Variants in ABCC6 observed in about 807,000 individuals in gnomAD.
ABCC6 encodes the protein ATP-binding cassette sub-family C member 6.
In ABCC6, 126 loss-of-function variants were observed where a neutral mutation model predicts 169.5. The observed-to-expected ratio is 0.74, with a 90% CI of 0.64 to 0.86. The LOEUF is 0.86. ABCC6 is among the 40% of genes least tolerant of loss of function. The pLI is 0.00. For missense variants in ABCC6, 1,733 were observed against 1,927.2 expected, an observed-to-expected ratio of 0.90 and a Z score of 1.89; for synonymous variants, 752 against 814.7, an observed-to-expected ratio of 0.92 and a Z score of 1.31.
intron 10 of ABCC6, 40 bp downstream of exon 10, chr16:16,197,981 G>T: frequency 6.3e-7 from 1 of 1,593,670 alleles, no homozygotes; most frequent in South Asian, 1.1e-5. Flanking sequence ...GGAGGGGGTG[G>T]GGGACTCCGT....
Position 16,175,952 on chromosome 16 carries a change from T to A in ABCC6, c.2625A>T (p.Arg875Ser), listed in dbSNP as rs1418054185. 2 of 1,614,150 alleles carry A rather than the reference T, an allele frequency of 1.2e-6. No individual in the cohort carries two copies. Among genetic ancestry groups the A allele is most frequent in the Non-Finnish European group, 1.7e-6 (2 of 1,180,028 alleles). ...CGGGCCTCCTGCCTGCAGAGGTGCC[T>A]CTGGGGTCCTTGGTGCTGGTCCCAG... ...TEPGTSTKDP[R>S]GTSAGRRPEL... Residue 875 changes from arginine (R) to serine (S), a missense_variant, in exon 20 of 31, where the codon AGA becomes AGT. Physicochemically the swap from Arg to Ser is moderately radical, Grantham distance 110. Transcript: ENST00000205557.
In ABCC6 at chr16:16,151,243, G is replaced by A. The variant is rs140339023; in HGVS notation, c.4209-471C>T. ...CATGCCTGGCTTTTGTATTTTTAAAGTAGAGATGGGGTTTCACCATGTTGG... is the reference window on the plus strand; with the variant it reads ...CATGCCTGGCTTTTGTATTTTTAAAATAGAGATGGGGTTTCACCATGTTGG... On this transcript the variant is annotated intron_variant, in intron 29 of 30. Coordinates refer to ENST00000205557, the MANE Select transcript of ABCC6 (RefSeq NM_001171.6). 5.5e-3 allele frequency among the ~76,000 whole-genome samples: 843 copies of A among 152,232 alleles called. 7 individuals carry two copies. The highest frequency in any genetic ancestry group is 0.019 in the African/African-American group (794 of 41,536).
At chr16:16,185,126 C>T (rs377446088) in intron 14 of ABCC6, 92 bp from the exon 15 acceptor site, 4 of 1,063,820 alleles carry the variant, frequency 3.8e-6, no homozygotes, top group African/African-American at 1.6e-5. Flanking sequence ...CCGCCCCCCC[C>T]AGGGGCAGAG....
intron 20 of ABCC6, 60 bp from the exon 21 acceptor site, chr16:16,173,464 G>A (rs2047177020): frequency 6.2e-7 from 1 of 1,610,082 alleles, no homozygotes; most frequent in South Asian, 1.1e-5. Context: ...GGGTGTATGT[G>A]CCTAACCCTC....
In ABCC6 at chr16:16,204,434, A is replaced by T. The variant is rs147502067; in HGVS notation, c.795-821T>A. 3.6e-3 allele frequency among the ~76,000 whole-genome samples: 551 copies of T among 152,328 alleles called. 4 individuals carry two copies. The highest frequency in any genetic ancestry group is 0.013 in the African/African-American group (528 of 41,590). ...CCGTCCCCAACACACACAATCAGCC[A>T]GCCCTTAGGTGGTTTTGAACTGGTG... On this transcript the variant is annotated intron_variant, in intron 7 of 30. Coordinates refer to ENST00000205557, the MANE Select transcript of ABCC6 (RefSeq NM_001171.6).
intron 14 of ABCC6, among the ~76,000 whole-genome samples, chr16:16,185,979 G>A (rs1300542632): frequency 6.6e-6 from 1 of 152,162 alleles, no homozygotes; most frequent in African/African-American, 2.4e-5. Flanking sequence ...CGATTAACAT[G>A]CCCATTTTGG....
chr16:16,210,194 T>C (rs1467403326), intron 6 of ABCC6, among the ~76,000 whole-genome samples: 1 of 152,180 alleles, frequency 6.6e-6, no homozygotes, highest in Non-Finnish European at 1.5e-5. Flanking sequence ...TGGAGTGCAC[T>C]GGTGTGATCT....
At chr16:16,217,361 C>T (rs898572895) in intron 4 of ABCC6, among the ~76,000 whole-genome samples, 9 of 152,178 alleles carry the variant, frequency 5.9e-5, no homozygotes, top group Non-Finnish European at 1.0e-4. Flanking sequence ...GCCCTGAGGC[C>T]GTCATTCCCT....
At position 16,208,429 on chromosome 16, in the gene ABCC6, A is replaced by G. The variant is rs1369871579; in HGVS notation, c.794+299T>C. Among the ~76,000 whole-genome samples, 10 of 151,630 alleles carry G rather than the reference A, an allele frequency of 6.6e-5. No homozygotes were observed. In the South Asian group the frequency reaches 1.9e-3, roughly 28 times the overall value. On this transcript the variant is annotated intron_variant, in intron 7 of 30. Coordinates refer to ENST00000205557, the MANE Select transcript of ABCC6 (RefSeq NM_001171.6). The stretch of plus-strand genomic sequence containing the variant: ...GCCCTGTCACTCAGGCTGGAGTGCA[A>G]TGGTGACATCTCCACTCACTGCAAC...
intron 11 of ABCC6, among the ~76,000 whole-genome samples, chr16:16,191,956 C>A (rs2047875136): frequency 6.6e-6 from 1 of 152,210 alleles, no homozygotes; most frequent in African/African-American, 2.4e-5. Flanking sequence ...ACAAGGCAAT[C>A]AACCCTGCCG....
chr16:16,150,822 G>C (rs2046366703), intron 29 of ABCC6, 50 bp from the exon 30 acceptor site: 1 of 1,594,336 alleles, frequency 6.3e-7, no homozygotes, highest in African/African-American at 1.3e-5. Flanking sequence ...TCGGCACATG[G>C]TGATGTGTGG....
In ABCC6 at chr16:16,210,107, C is replaced by T. The variant is rs564924860; in HGVS notation, c.663-1248G>A. ...TCTGGTCTCTGACTCTTCTCTAAGC[C>T]TTACCAAGTTCCCTTTTCTTTTTTA... On this transcript the variant is annotated intron_variant, in intron 6 of 30. Coordinates refer to ENST00000205557, the MANE Select transcript of ABCC6 (RefSeq NM_001171.6). Among the ~76,000 whole-genome samples the T allele has an allele frequency of 2.0e-5, 3 of 152,072 alleles. No individual in the cohort carries two copies. The South Asian group carries it at 6.2e-4, about 32-fold the overall frequency.
At chr16:16,172,280 T>A (rs1159798564) in intron 21 of ABCC6, among the ~76,000 whole-genome samples, 1 of 102,952 alleles carries the variant, frequency 9.7e-6, no homozygotes. Flanking sequence ...AATGAGTGGG[T>A]GGGATGCATA....
At chr16:16,216,663 T>C (rs2152297909) in intron 4 of ABCC6, among the ~76,000 whole-genome samples, 1 of 147,636 alleles carries the variant, frequency 6.8e-6, no homozygotes, top group Admixed American at 6.8e-5. Flanking sequence ...ATCTCTTCCA[T>C]GTACTGATTT....
intron 10 of ABCC6, among the ~76,000 whole-genome samples, chr16:16,197,179 T>C (rs2048065294): frequency 6.6e-6 from 1 of 152,124 alleles, no homozygotes; most frequent in South Asian, 2.1e-4. Context: ...ACAGTGGCTA[T>C]GGTGGTGCCT....
Position 16,182,459 on chromosome 16 carries a change from C to T in ABCC6, c.2200G>A (p.Asp734Asn), listed in dbSNP as rs1385370678. The change falls in exon 17 of 31, where the codon GAT becomes AAT. Residue 734 changes from aspartate (D) to asparagine (N), a missense_variant. Asp to Asn is a conservative substitution (Grantham distance 23). Around this residue, in one of 5 missense-constraint regions of ABCC6, gnomAD observed 1,601 missense variants for 1,635.5 expected, o/e 0.98. Coordinates refer to ENST00000205557, the MANE Select transcript of ABCC6 (RefSeq NM_001171.6). ...ATTCCCTCAGGGAAGCTGTCCACAT[C>T]TGGCTGCAGGGCACAGGCTTCTAGT... ...RVLEACALQP[D>N]VDSFPEGIHT... 1 of 1,614,048 alleles carries T rather than the reference C, an allele frequency of 6.2e-7. No individual in the cohort carries two copies. Among genetic ancestry groups the T allele is most frequent in the East Asian group, 2.2e-5 (1 of 44,882 alleles).
chr16:16,217,409 C>T (rs569749151), intron 4 of ABCC6, among the ~76,000 whole-genome samples: 75 of 152,358 alleles, frequency 4.9e-4, no homozygotes, highest in African/African-American at 1.6e-3. Flanking sequence ...TAAAATGGGA[C>T]GGCTAGAATT....
intron 21 of ABCC6, among the ~76,000 whole-genome samples, chr16:16,171,229 T>G (rs1459406651): frequency 2.0e-5 from 3 of 152,018 alleles, no homozygotes; most frequent in Non-Finnish European, 4.4e-5. Context: ...CATCATTCTT[T>G]CTTTTAAGAG....
intron 24 of ABCC6, 39 bp from the exon 25 acceptor site, chr16:16,161,603 C>A: frequency 6.2e-7 from 1 of 1,613,420 alleles, no homozygotes; most frequent in Middle Eastern, 1.6e-4. Context: ...TGGTTACTCT[C>A]ATCTGCAGGG....
Sources: allele counts gnomAD v4.1 joint callset (sites outside exome capture counted in the v4.1 genomes callset), GRCh38; gene constraint gnomAD v4.1.1; regional missense constraint gnomAD v4.1.1; transcripts MANE v1.5; gene names NCBI Gene and HGNC (gene_info 2026-07-23, HGNC 2026-07-21).